Variants in RBFOX1 observed in about 807,000 individuals in gnomAD.
RBFOX1 encodes the protein RNA binding protein fox-1 homolog 1.
In RBFOX1, 8 loss-of-function variants were observed where a neutral mutation model predicts 57.7. The observed-to-expected ratio is 0.14, with a 90% CI of 0.08 to 0.25. RBFOX1 has a LOEUF of 0.25. RBFOX1 is among the 10% of genes least tolerant of loss of function. The pLI is 1.00. For synonymous variants in RBFOX1, 326 were observed against 222.4 expected (o/e 1.47, Z -4.15); for missense variants, 611 against 548.5 (o/e 1.11, Z -1.14).
chr16:6,486,846 G>T (rs1220412745), intron 2 of RBFOX1, among the ~76,000 whole-genome samples: 3 of 151,990 alleles, frequency 2.0e-5, no homozygotes, highest in African/African-American at 7.2e-5. Flanking sequence ...CAAATGAGAA[G>T]AATTTTACAA....
intron 3 of RBFOX1, among the ~76,000 whole-genome samples, chr16:6,813,529 C>G (rs182164183): frequency 1.3e-5 from 2 of 152,126 alleles, no homozygotes; most frequent in African/African-American, 4.8e-5. Flanking sequence ...TCACCTGGTC[C>G]CTAAAGTAGC....
At chr16:6,235,750 C>T (rs904999778) in intron 1 of RBFOX1, among the ~76,000 whole-genome samples, 1 of 151,976 alleles carries the variant, frequency 6.6e-6, no homozygotes, top group African/African-American at 2.4e-5. Flanking sequence ...AGTGAAGTAA[C>T]TCAGGAATGG....
intron 3 of RBFOX1, among the ~76,000 whole-genome samples, chr16:5,654,232 A>G (rs1378196339): frequency 6.6e-6 from 1 of 152,164 alleles, no homozygotes; most frequent in Non-Finnish European, 1.5e-5. Flanking sequence ...CATGTTGTAT[A>G]TAAAGTGCAT....
intron 4 of RBFOX1, among the ~76,000 whole-genome samples, chr16:7,207,673 A>G (rs1380554514): frequency 6.6e-6 from 1 of 152,202 alleles, no homozygotes; most frequent in Non-Finnish European, 1.5e-5. Flanking sequence ...GAAATGTTTT[A>G]TCTTTGTTTA....
chr16:5,413,801 G>A (rs1199243265), intron 1 of RBFOX1, among the ~76,000 whole-genome samples: 1 of 152,138 alleles, frequency 6.6e-6, no homozygotes, highest in Non-Finnish European at 1.5e-5. Context: ...CGGTAGGGGT[G>A]AGGTGTGGAG....
At chr16:7,670,581 C>A (rs935020097) in intron 13 of RBFOX1, among the ~76,000 whole-genome samples, 1 of 151,896 alleles carries the variant, frequency 6.6e-6, no homozygotes, top group Non-Finnish European at 1.5e-5. Flanking sequence ...TGGAAATATT[C>A]AAGTAAGCAG....
intron 3 of RBFOX1, among the ~76,000 whole-genome samples, chr16:6,982,083 A>G (rs2089054055): frequency 6.6e-6 from 1 of 152,154 alleles, no homozygotes; most frequent in Non-Finnish European, 1.5e-5. Context: ...ATGTTGGTTT[A>G]TATAACAAGA....
chr16:7,625,694 AG>A (rs2059975411), intron 10 of RBFOX1, among the ~76,000 whole-genome samples: 1 of 152,156 alleles, frequency 6.6e-6, no homozygotes, highest in African/African-American at 2.4e-5. Context: ...ATGTAGGAAA[AG>A]TTCTAGTTAT....
intron 3 of RBFOX1, among the ~76,000 whole-genome samples, chr16:6,842,645 CTA>C (rs2093543952): frequency 1.8e-5 from 2 of 112,006 alleles, no homozygotes; most frequent in South Asian, 6.9e-4. Flanking sequence ...TTTTTTAAAT[CTA>C]TTTGCTTTTT....
intron 4 of RBFOX1, among the ~76,000 whole-genome samples, chr16:7,200,668 G>C (rs758120540): frequency 6.6e-6 from 1 of 152,184 alleles, no homozygotes; most frequent in Non-Finnish European, 1.5e-5. Context: ...CACTTAGTCA[G>C]AGTCAGTATG....
At chr16:5,442,691 T>C (rs889375894) in intron 1 of RBFOX1, among the ~76,000 whole-genome samples, 1 of 152,202 alleles carries the variant, frequency 6.6e-6, no homozygotes, top group African/African-American at 2.4e-5. Context: ...AGCCCTGCTA[T>C]GTGCCATCAC....
intron 1 of RBFOX1, among the ~76,000 whole-genome samples, chr16:6,029,889 C>T (rs1596506582): frequency 2.0e-5 from 3 of 151,484 alleles, no homozygotes; most frequent in African/African-American, 4.8e-5. Flanking sequence ...AAGAATTCAA[C>T]TCTCTAATGT....
At chr16:5,901,239 G>A (rs1015504112) in intron 4 of RBFOX1, among the ~76,000 whole-genome samples, 17 of 152,118 alleles carry the variant, frequency 1.1e-4, no homozygotes, top group African/African-American at 2.7e-4. Context: ...CTCATCCCCC[G>A]TTCACGCGGT....
chr16:6,550,981 A>G (rs1335413315), intron 2 of RBFOX1, among the ~76,000 whole-genome samples: 1 of 152,158 alleles, frequency 6.6e-6, no homozygotes, highest in Non-Finnish European at 1.5e-5. Context: ...GTGGGCATTA[A>G]TAGTTTGGAG....
At chr16:5,479,010 C>T (rs2069428249) in intron 2 of RBFOX1, among the ~76,000 whole-genome samples, 1 of 152,160 alleles carries the variant, frequency 6.6e-6, no homozygotes, top group Admixed American at 6.5e-5. Context: ...ATGAATAGTC[C>T]TTTTATTAAT....
chr16:5,823,655 G>C (rs1313603243), intron 3 of RBFOX1, among the ~76,000 whole-genome samples: 1 of 152,094 alleles, frequency 6.6e-6, no homozygotes, highest in Non-Finnish European at 1.5e-5. Context: ...AGTCAGGTCA[G>C]TGGCAGCATT....
intron 4 of RBFOX1, among the ~76,000 whole-genome samples, chr16:7,239,110 C>T (rs1049734792): frequency 2.6e-5 from 4 of 152,094 alleles, no homozygotes; most frequent in African/African-American, 7.2e-5. Flanking sequence ...TATACACATG[C>T]ATGTCTTTTT....
chr16:5,424,974 C>CTTTCTTTTCT (rs372212119), intron 1 of RBFOX1, among the ~76,000 whole-genome samples: 939 of 70,632 alleles, frequency 0.013, 48 homozygotes, highest in South Asian at 0.017. Flanking sequence ...CTCTTTCTTT[C>CTTTCTTTTCT]TTTCTTTTCT....
intron 4 of RBFOX1, among the ~76,000 whole-genome samples, chr16:7,265,958 G>GTATTTTTTTTTTTTTTTT (rs1567956396): frequency 1.9e-5 from 2 of 107,604 alleles, no homozygotes. Flanking sequence ...GATCTGGTGG[G>GTATTTTTTTTTTTTTTTT]TTTTTGTTTT....
Sources: allele counts gnomAD v4.1 joint callset (sites outside exome capture counted in the v4.1 genomes callset), GRCh38; gene constraint gnomAD v4.1.1; transcripts MANE v1.5; gene names NCBI Gene and HGNC (gene_info 2026-07-23, HGNC 2026-07-21).